HDAC4: variants seen among roughly 807,000 people sequenced by gnomAD.
The protein encoded by HDAC4 is histone deacetylase 4.
In HDAC4, 16 loss-of-function variants were observed where a neutral mutation model predicts 135.1. The ratio of observed to expected loss-of-function variants is 0.12; its 90% CI spans 0.08 to 0.18. The LOEUF (loss-of-function observed/expected upper bound fraction) is 0.18, where lower values mean the gene tolerates loss of function less well. HDAC4 is among the 10% of genes least tolerant of loss of function. HDAC4 has a pLI of 1.00. For missense variants in HDAC4, 1,143 were observed against 1,511.8 expected, an observed-to-expected ratio of 0.76 and a Z score of 4.05; for synonymous variants, 685 against 653.4, an observed-to-expected ratio of 1.05 and a Z score of -0.74.
intron 17 of HDAC4, chr2:239,093,911 A>G: frequency 1.0e-6 from 1 of 981,416 alleles, no homozygotes; most frequent in Non-Finnish European, 1.2e-6. Context: ...ACAAAATAAA[A>G]TAACTCTAGG....
chr2:239,206,475 C>G (rs191995600), intron 3 of HDAC4, among the ~76,000 whole-genome samples: 1 of 151,860 alleles, frequency 6.6e-6, no homozygotes, highest in Admixed American at 6.5e-5. Context: ...TAAAGTCTTA[C>G]CAAAAATAAC....
chr2:239,302,705 C>G (rs1230507526), intron 2 of HDAC4, among the ~76,000 whole-genome samples: 1 of 152,266 alleles, frequency 6.6e-6, no homozygotes, highest in African/African-American at 2.4e-5. Flanking sequence ...CTCCCTGGGC[C>G]TGAGCATGGC....
chr2:239,383,321 C>A (rs1695552884), intron 1 of HDAC4, among the ~76,000 whole-genome samples: 1 of 152,186 alleles, frequency 6.6e-6, no homozygotes, highest in South Asian at 2.1e-4. Flanking sequence ...AACCACTGAG[C>A]AGATCCTCGC....
Position 239,189,923 on chromosome 2 carries a change from C to A in HDAC4, c.249G>T (p.Gln83His), listed in dbSNP as rs1163197915. ...QELLALKQKQ[Q>H]IQRQILIAEF... ...CAGCGATGAGGATCTGCCTCTGGATCTGCTGCTTCTGCTTGAGCGCCAGGA... is the reference window on the plus strand; with the variant it reads ...CAGCGATGAGGATCTGCCTCTGGATATGCTGCTTCTGCTTGAGCGCCAGGA... Residue 83 changes from glutamine (Q) to histidine (H), a missense_variant, in exon 4 of 27, where the codon CAG becomes CAT. By Grantham distance (24) the Gln-to-His change is conservative (BLOSUM62 0). Around this residue, in one of 9 missense-constraint regions of HDAC4, gnomAD observed 247 missense variants for 310.0 expected, o/e 0.80. Transcript: ENST00000543185. 6.2e-7 allele frequency: 1 copy of A among 1,610,860 alleles called. No homozygotes were observed. The highest frequency in any genetic ancestry group is 8.5e-7 in the Non-Finnish European group (1 of 1,179,930).
chr2:239,100,884 T>C (rs903202173), intron 16 of HDAC4, among the ~76,000 whole-genome samples: 2 of 151,966 alleles, frequency 1.3e-5, no homozygotes, highest in African/African-American at 4.8e-5. Flanking sequence ...CACCGTCCCT[T>C]CCAGAGGGAC....
At chr2:239,111,233 C>T (rs1332026368) in intron 14 of HDAC4, among the ~76,000 whole-genome samples, 3 of 152,246 alleles carry the variant, frequency 2.0e-5, no homozygotes, top group Non-Finnish European at 4.4e-5. Flanking sequence ...TTCTCATGGC[C>T]CCACGGGCAT....
chr2:239,295,299 T>A (rs1575635340), intron 2 of HDAC4, among the ~76,000 whole-genome samples: 1 of 67,402 alleles, frequency 1.5e-5, no homozygotes. Context: ...AGAGCAAGAC[T>A]CCGTCTCAAA....
intron 6 of HDAC4, among the ~76,000 whole-genome samples, chr2:239,161,100 A>G (rs60880114): frequency 0.056 from 8,519 of 152,262 alleles, 783 homozygotes; most frequent in African/African-American, 0.19. Flanking sequence ...TTTGTGAGGT[A>G]CCTGTTCAAA....
At chr2:239,290,545 T>C (rs985169754) in intron 2 of HDAC4, among the ~76,000 whole-genome samples, 5 of 151,508 alleles carry the variant, frequency 3.3e-5, no homozygotes, top group Non-Finnish European at 7.4e-5. Context: ...TTTAGAAAAA[T>C]CAAACAGGCA....
chr2:239,124,425 C>T (rs1286315292), intron 12 of HDAC4, among the ~76,000 whole-genome samples: 2 of 152,236 alleles, frequency 1.3e-5, no homozygotes, highest in Non-Finnish European at 1.5e-5. Flanking sequence ...TGCCTGGCAT[C>T]CTGCTTCCAA....
chr2:239,197,470 C>G (rs1027337666), intron 3 of HDAC4, among the ~76,000 whole-genome samples: 5 of 152,194 alleles, frequency 3.3e-5, no homozygotes, highest in African/African-American at 4.8e-5. Context: ...GAGACGGCAG[C>G]TCCCGTGCTC....
At chr2:239,385,464 G>T (rs1167123590) in intron 1 of HDAC4, among the ~76,000 whole-genome samples, 1 of 152,228 alleles carries the variant, frequency 6.6e-6, no homozygotes, top group African/African-American at 2.4e-5. Context: ...GCTCCCTGTT[G>T]GTGGCCAGAG....
intron 2 of HDAC4, among the ~76,000 whole-genome samples, chr2:239,341,201 C>T (rs149284938): frequency 6.6e-5 from 10 of 152,350 alleles, no homozygotes; most frequent in Admixed American, 3.9e-4. Context: ...CCTCCCTCCC[C>T]GATCCTTTCA....
intron 7 of HDAC4, among the ~76,000 whole-genome samples, chr2:239,148,242 G>A (rs1197776936): frequency 1.3e-5 from 2 of 152,188 alleles, no homozygotes; most frequent in African/African-American, 4.8e-5. Flanking sequence ...ATAAAGACAA[G>A]AGGACAAAAA....
intron 3 of HDAC4, among the ~76,000 whole-genome samples, chr2:239,195,010 G>C (rs563119060): frequency 1.3e-5 from 2 of 152,318 alleles, no homozygotes; most frequent in African/African-American, 4.8e-5. Flanking sequence ...GGGAGGCGAG[G>C]GGCCCTGCAG....
At position 239,059,013 on chromosome 2, in the gene HDAC4, T is replaced by C. The variant is rs78170782; in HGVS notation, c.3004-4180A>G. Among the ~76,000 whole-genome samples the C allele has an allele frequency of 5.4e-3, 828 of 152,360 alleles. 2 individuals carry two copies. Among genetic ancestry groups the C allele is most frequent in the Middle Eastern group, 0.014 (4 of 294 alleles). Reference sequence around the variant, plus strand: ...AAATGCCAACCACACTTCCTTTTCTTACCACAGTGCAATTTGTTAGAAATT... The same window carrying C: ...AAATGCCAACCACACTTCCTTTTCTCACCACAGTGCAATTTGTTAGAAATT... On this transcript the variant is annotated intron_variant, in intron 24 of 26. Transcript: ENST00000543185.
In HDAC4 at chr2:239,139,884, AC is replaced by A; in HGVS notation, c.866-89del. 1 of 1,040,300 alleles carries A rather than the reference AC, an allele frequency of 9.6e-7. No homozygotes were observed. Among genetic ancestry groups the A allele is most frequent in the Non-Finnish European group, 1.5e-6 (1 of 667,772 alleles). 64.4% of individuals were successfully genotyped at this position (1,040,300 alleles called of 1,614,324 possible). A position where few individuals can be genotyped will look rare whatever the true frequency, so the allele number is the denominator to read the frequency against. ...GTGGCCCGAATGCCCGGTGCCTTCC[AC>A]GGACCTGCTCGTTAGCTTGCGACAG... is the stretch of plus-strand genomic sequence containing the variant. On this transcript the variant is annotated intron_variant, in intron 8 of 26. Coordinates refer to ENST00000543185, the MANE Select transcript of HDAC4 (RefSeq NM_001378414.1). This position sits in a 1 kb window ranked among gnomAD's most constrained non-coding sequence, Gnocchi z 5.3.
intron 2 of HDAC4, among the ~76,000 whole-genome samples, chr2:239,283,792 C>T (rs1435234639): frequency 6.6e-6 from 1 of 152,186 alleles, no homozygotes; most frequent in African/African-American, 2.4e-5. Flanking sequence ...TTGGTGGAAG[C>T]ACTGTCACAA....
intron 4 of HDAC4, among the ~76,000 whole-genome samples, chr2:239,184,963 T>TG (rs1175999742): frequency 2.0e-4 from 23 of 112,420 alleles, no homozygotes; most frequent in Middle Eastern, 6.3e-3. Flanking sequence ...ATGTGTCCTA[T>TG]GGGGGGGGTC....
Sources: gnomAD v4.1 joint callset for allele counts (sites outside exome capture counted in the v4.1 genomes callset) on GRCh38, gnomAD v4.1.1 for gene constraint, gnomAD v4.1.1 regional missense constraint, Gnocchi (gnomAD v3.1) non-coding constraint, MANE v1.5 for transcripts, NCBI Gene and HGNC (gene_info 2026-07-23, HGNC 2026-07-21) for gene names.